DEFB123: variants seen among roughly 807,000 people sequenced by gnomAD.
DEFB123 encodes the protein defensin beta 123, also known as beta-defensin 123.
For synonymous variants in DEFB123, 22 were observed against 28.3 expected (o/e 0.78, Z 0.71); for missense variants, 71 against 75.0 (o/e 0.95, Z 0.20).
At chr20:31,443,097 C>T (rs535750902) in intron 1 of DEFB123, among the ~76,000 whole-genome samples, 32 of 152,256 alleles carry the variant, frequency 2.1e-4, no homozygotes, top group Admixed American at 1.8e-3. Context: ...TCTGGGATCA[C>T]GACCCTCGTT....
At chr20:31,449,072 C>G (rs1979668145) in intron 1 of DEFB123, among the ~76,000 whole-genome samples, 1 of 152,088 alleles carries the variant, frequency 6.6e-6, no homozygotes, top group East Asian at 1.9e-4. Context: ...ATGCTCATGG[C>G]TTCCTCCACC....
intron 1 of DEFB123, among the ~76,000 whole-genome samples, chr20:31,441,309 C>A (rs539789979): frequency 2.0e-3 from 301 of 152,152 alleles, no homozygotes; most frequent in African/African-American, 6.9e-3. Context: ...ATGGTCCAGC[C>A]CAGGCTGAGG....
chr20:31,448,538 T>C (rs73116233), intron 1 of DEFB123, among the ~76,000 whole-genome samples: 12,326 of 152,142 alleles, frequency 0.081, 602 homozygotes, highest in Non-Finnish European at 0.11. Flanking sequence ...TCTGCTCTTT[T>C]TTCCCCCCAT....
chr20:31,445,149 C>T (rs1304999425), intron 1 of DEFB123, among the ~76,000 whole-genome samples: 1 of 152,212 alleles, frequency 6.6e-6, no homozygotes, highest in Non-Finnish European at 1.5e-5. Flanking sequence ...CTGACCTCTG[C>T]ATTTCCTGCA....
intron 1 of DEFB123, among the ~76,000 whole-genome samples, chr20:31,446,498 C>G (rs1979587695): frequency 6.6e-6 from 1 of 152,204 alleles, no homozygotes; most frequent in Non-Finnish European, 1.5e-5. Context: ...TACAAAGTTT[C>G]CGAGAGTTGT....
intron 1 of DEFB123, among the ~76,000 whole-genome samples, chr20:31,448,883 T>G (rs1433143047): frequency 6.7e-6 from 1 of 148,726 alleles, no homozygotes; most frequent in Non-Finnish European, 1.5e-5. Context: ...AGCTAATTTT[T>G]TTTTTTTTTT....
chr20:31,442,990 G>A (rs1276423606), intron 1 of DEFB123, among the ~76,000 whole-genome samples: 1 of 152,168 alleles, frequency 6.6e-6, no homozygotes, highest in Non-Finnish European at 1.5e-5. Flanking sequence ...GCTATGGAGG[G>A]AAGGAAATTC....
chr20:31,446,540 G>C (rs1326371823), intron 1 of DEFB123, among the ~76,000 whole-genome samples: 1 of 152,186 alleles, frequency 6.6e-6, no homozygotes, highest in East Asian at 1.9e-4. Flanking sequence ...TCAGCACTTT[G>C]TTCTTTTGTT....
At chr20:31,443,168 C>G (rs1306612950) in intron 1 of DEFB123, among the ~76,000 whole-genome samples, 1 of 152,176 alleles carries the variant, frequency 6.6e-6, no homozygotes, top group African/African-American at 2.4e-5. Context: ...GATGAAATCT[C>G]TCAGCCCTTT....
intron 1 of DEFB123, among the ~76,000 whole-genome samples, chr20:31,449,157 T>C (rs528139588): frequency 6.6e-6 from 1 of 152,280 alleles, no homozygotes; most frequent in East Asian, 1.9e-4. Flanking sequence ...TCATTGTCAT[T>C]TCTGTGTTGG....
At chr20:31,442,069 A>C (rs1979476868) in intron 1 of DEFB123, among the ~76,000 whole-genome samples, 1 of 152,210 alleles carries the variant, frequency 6.6e-6, no homozygotes, top group African/African-American at 2.4e-5. Context: ...TGGGAGGAGC[A>C]GGACTACAGA....
chr20:31,446,880 G>A (rs1210170529), intron 1 of DEFB123, among the ~76,000 whole-genome samples: 12 of 151,254 alleles, frequency 7.9e-5, no homozygotes, highest in Admixed American at 4.0e-4. Context: ...TCGGGAGGCA[G>A]AGTCTGCAGT....
In DEFB123 at chr20:31,450,182, G is replaced by A; in HGVS notation, c.*8G>A. 1 of 1,593,864 alleles carries A rather than the reference G, an allele frequency of 6.3e-7. No individual in the cohort carries two copies. The highest frequency in any genetic ancestry group is 8.5e-7 in the Non-Finnish European group (1 of 1,172,828). Reference sequence around the variant, plus strand: ...AGGTGGTGGCCATTTTAACTGCTTTGAAGCCTGAAGCCATGAAAATGCAGA... The same window carrying A: ...AGGTGGTGGCCATTTTAACTGCTTTAAAGCCTGAAGCCATGAAAATGCAGA... On this transcript the variant is annotated 3_prime_UTR_variant, in exon 2 of 2. Coordinates refer to ENST00000376309, the MANE Select transcript of DEFB123 (RefSeq NM_153324.4).
At chr20:31,442,209 A>C (rs1234168131) in intron 1 of DEFB123, among the ~76,000 whole-genome samples, 1 of 152,206 alleles carries the variant, frequency 6.6e-6, no homozygotes, top group Non-Finnish European at 1.5e-5. Flanking sequence ...TCTGTTTTAA[A>C]ATGATTTCTA....
chr20:31,441,747 C>T (rs1420192383), intron 1 of DEFB123, among the ~76,000 whole-genome samples: 1 of 152,100 alleles, frequency 6.6e-6, no homozygotes, highest in Non-Finnish European at 1.5e-5. Context: ...ACAAGCTGAC[C>T]TCCGTCCTTG....
At chr20:31,442,826 T>G (rs1294760824) in intron 1 of DEFB123, among the ~76,000 whole-genome samples, 1 of 152,116 alleles carries the variant, frequency 6.6e-6, no homozygotes, top group Non-Finnish European at 1.5e-5. Flanking sequence ...CAGGCTGGTC[T>G]TGAATCCCTG....
intron 1 of DEFB123, 29 bp from the exon 2 acceptor site, chr20:31,450,000 C>A (rs369445643): frequency 2.0e-4 from 318 of 1,594,842 alleles, no homozygotes; most frequent in Non-Finnish European, 2.7e-4. Context: ...AGGACTGATA[C>A]TGTCTCCCTT....
At chr20:31,447,122 C>T (rs1407511547) in intron 1 of DEFB123, among the ~76,000 whole-genome samples, 2 of 151,794 alleles carry the variant, frequency 1.3e-5, no homozygotes, top group African/African-American at 4.8e-5. Flanking sequence ...ATTAGCCAGG[C>T]GTGGTGGCGC....
chr20:31,440,679 C>T lies in DEFB123; in HGVS notation c.-20C>T. On this transcript the variant is annotated 5_prime_UTR_variant, in exon 1 of 2. Coordinates refer to ENST00000376309, the MANE Select transcript of DEFB123 (RefSeq NM_153324.4). ...AGCCGTGGCATCGGACTTGCAGCTTCATTTTGGGCTGCCTTAGCCATGAAG... is the reference window on the plus strand; with the variant it reads ...AGCCGTGGCATCGGACTTGCAGCTTTATTTTGGGCTGCCTTAGCCATGAAG... 2.5e-6 allele frequency: 4 copies of T among 1,613,628 alleles called. No homozygotes were observed. Among genetic ancestry groups the T allele is most frequent in the Non-Finnish European group, 3.4e-6 (4 of 1,180,022 alleles).
Sources: allele counts gnomAD v4.1 joint callset (sites outside exome capture counted in the v4.1 genomes callset), GRCh38; gene constraint gnomAD v4.1.1; transcripts MANE v1.5; gene names NCBI Gene and HGNC (gene_info 2026-07-23, HGNC 2026-07-21).